Variants in ATP6V1C2 observed in about 807,000 individuals in gnomAD.
ATP6V1C2 encodes the protein ATPase H+ transporting V1 subunit C2.
A neutral mutation model predicts 56.8 loss-of-function variants in ATP6V1C2; 45 were observed. That is an observed-to-expected ratio of 0.79 (90% CI 0.62 to 1.02). ATP6V1C2 has a LOEUF of 1.02. ATP6V1C2 is among the 50% of genes least tolerant of loss of function. ATP6V1C2 has a pLI of 0.00. For missense variants in ATP6V1C2, 463 were observed against 519.7 expected (o/e 0.89, Z 1.06); for synonymous variants, 220 against 201.3 (o/e 1.09, Z -0.79).
At position 10,754,005 on chromosome 2, in the gene ATP6V1C2, C is replaced by T. The variant is rs772647959; in HGVS notation, c.222C>T (p.Ser74=). ...GCCTCATAAGGAGAATGGCTCAGAG[C>T]GTGGTGGAAGTCATGGAGGACTCAA... ...AESLIRRMAQ[S]VVEVMEDSKG... Residue 74 remains serine (S), a synonymous_variant, in exon 4 of 14, where the codon AGC becomes AGT. Coordinates refer to ENST00000272238, the MANE Select transcript of ATP6V1C2 (RefSeq NM_001039362.2). 2.0e-5 allele frequency: 32 copies of T among 1,607,624 alleles called. 1 individual carries two copies. The highest frequency in any genetic ancestry group is 2.7e-5 in the African/African-American group (2 of 74,724).
chr2:10,759,160 A>G (rs1320037346), intron 4 of ATP6V1C2, among the ~76,000 whole-genome samples: 2 of 152,182 alleles, frequency 1.3e-5, no homozygotes, highest in Admixed American at 6.5e-5. Flanking sequence ...CCTGGTCCAA[A>G]AGTCACTTCT....
intron 11 of ATP6V1C2, 58 bp from the exon 12 acceptor site, chr2:10,778,514 T>C: frequency 1.3e-6 from 2 of 1,535,636 alleles, no homozygotes. Context: ...AGTCCTTTCT[T>C]GGCTCTGTGT....
intron 3 of ATP6V1C2, among the ~76,000 whole-genome samples, chr2:10,734,015 T>C (rs1662115177): frequency 6.6e-6 from 1 of 152,206 alleles, no homozygotes; most frequent in African/African-American, 2.4e-5. Flanking sequence ...AAACTGGAAT[T>C]GTAAAAAGCA....
rs142580569 is a variant in ATP6V1C2, at chr2:10,771,247, A to G, written c.471-592A>G. Among the ~76,000 whole-genome samples, 328 of 152,328 alleles carry G rather than the reference A, an allele frequency of 2.2e-3. 5 individuals are homozygous for G. The highest frequency in any genetic ancestry group is 5.6e-3 in the Admixed American group (85 of 15,304). On this transcript the variant is annotated intron_variant, in intron 6 of 13. Transcript: ENST00000272238. The stretch of plus-strand genomic sequence containing the variant: ...CGGCCCCTGTGCTGATGCCACATAC[A>G]GCCTGGGTAGTGAGATCTTGGCCCA...
intron 6 of ATP6V1C2, 105 bp downstream of exon 6, chr2:10,768,915 G>A (rs1664403415): frequency 1.1e-6 from 1 of 891,848 alleles, no homozygotes; most frequent in Admixed American, 2.0e-5. Flanking sequence ...GCCCATGCAT[G>A]AGAGTGAGAC....
At chr2:10,779,503 T>G (rs1665216037) in intron 12 of ATP6V1C2, among the ~76,000 whole-genome samples, 1 of 147,248 alleles carries the variant, frequency 6.8e-6, no homozygotes, top group Admixed American at 6.8e-5. Context: ...CTGGCCAACA[T>G]GGTGAAACCC....
chr2:10,723,082 C>T, intron 2 of ATP6V1C2, 104 bp downstream of exon 2: 1 of 1,403,276 alleles, frequency 7.1e-7, no homozygotes, highest in Non-Finnish European at 9.7e-7. Context: ...AGTATCAAGG[C>T]AAAGCAGGGG....
intron 4 of ATP6V1C2, among the ~76,000 whole-genome samples, chr2:10,761,694 C>A (rs983610010): frequency 6.6e-6 from 1 of 152,180 alleles, no homozygotes; most frequent in African/African-American, 2.4e-5. Context: ...CGTCCCATGG[C>A]CTTTCCTTGG....
intron 3 of ATP6V1C2, among the ~76,000 whole-genome samples, chr2:10,739,315 G>T (rs949933094): frequency 6.6e-6 from 1 of 151,602 alleles, no homozygotes; most frequent in African/African-American, 2.4e-5. Flanking sequence ...TAAAAGCACT[G>T]TATCACATGG....
At chr2:10,740,800 C>T (rs1254019734) in intron 3 of ATP6V1C2, among the ~76,000 whole-genome samples, 1 of 152,220 alleles carries the variant, frequency 6.6e-6, no homozygotes, top group Non-Finnish European at 1.5e-5. Flanking sequence ...GATTCTGCTG[C>T]CTCAGCCTCC....
chr2:10,764,471 G>C, intron 5 of ATP6V1C2, 46 bp downstream of exon 5: 1 of 1,546,100 alleles, frequency 6.5e-7, no homozygotes, highest in Non-Finnish European at 8.9e-7. Flanking sequence ...GGTGGGTCAG[G>C]CGGGCAAGAG....
intron 3 of ATP6V1C2, among the ~76,000 whole-genome samples, chr2:10,743,446 A>T (rs1662674567): frequency 6.6e-6 from 1 of 151,784 alleles, no homozygotes; most frequent in African/African-American, 2.4e-5. Flanking sequence ...ATTATATCAG[A>T]TGGGTCCCTA....
At chr2:10,759,840 G>A (rs1663794720) in intron 4 of ATP6V1C2, among the ~76,000 whole-genome samples, 1 of 152,184 alleles carries the variant, frequency 6.6e-6, no homozygotes, top group Non-Finnish European at 1.5e-5. Context: ...ACTTTGCTCA[G>A]AGAGGTCAAG....
At chr2:10,774,281 G>A (rs971510692) in intron 8 of ATP6V1C2, among the ~76,000 whole-genome samples, 1 of 152,246 alleles carries the variant, frequency 6.6e-6, no homozygotes, top group African/African-American at 2.4e-5. Flanking sequence ...AGGACTCAGA[G>A]ATGCTTAGAC....
intron 2 of ATP6V1C2, among the ~76,000 whole-genome samples, chr2:10,725,667 G>A (rs1485197005): frequency 6.6e-6 from 1 of 150,574 alleles, no homozygotes; most frequent in African/African-American, 2.4e-5. Flanking sequence ...GCTAATTTTT[G>A]TATTTTTAGT....
At chr2:10,727,255 A>G (rs1661697494) in intron 3 of ATP6V1C2, among the ~76,000 whole-genome samples, 1 of 151,968 alleles carries the variant, frequency 6.6e-6, no homozygotes, top group African/African-American at 2.4e-5. Context: ...TTTTTAGCAG[A>G]GACAGGGTTT....
intron 3 of ATP6V1C2, among the ~76,000 whole-genome samples, chr2:10,745,358 G>T (rs1017292672): frequency 4.3e-4 from 57 of 132,926 alleles, no homozygotes; most frequent in Non-Finnish European, 8.1e-4. Context: ...CTTTTTAACC[G>T]TTTTTTTTTT....
chr2:10,750,969 C>T (rs1161779194), intron 3 of ATP6V1C2, among the ~76,000 whole-genome samples: 1 of 152,204 alleles, frequency 6.6e-6, no homozygotes, highest in African/African-American at 2.4e-5. Context: ...GTGCTTGGTG[C>T]ATAGTAGTTG....
chr2:10,783,077 A>G, intron 13 of ATP6V1C2, 97 bp from the exon 14 acceptor site: 1 of 862,770 alleles, frequency 1.2e-6, no homozygotes, highest in South Asian at 1.4e-5. Flanking sequence ...GCAGAGCAGA[A>G]CGTACGCTCA....
Sources: allele counts gnomAD v4.1 joint callset (sites outside exome capture counted in the v4.1 genomes callset), GRCh38; gene constraint gnomAD v4.1.1; transcripts MANE v1.5; gene names NCBI Gene and HGNC (gene_info 2026-07-23, HGNC 2026-07-21).